CEP78: variants seen among roughly 807,000 people sequenced by gnomAD.
CEP78 encodes centrosomal protein of 78 kDa.
CEP78 carries 76 observed loss-of-function variants against 81.2 expected under a neutral mutation model. The observed-to-expected ratio is 0.94, with a 90% CI of 0.78 to 1.13. The LOEUF (loss-of-function observed/expected upper bound fraction) is 1.13. CEP78 is among the 50% of genes most tolerant of loss of function. CEP78 has a pLI of 0.00. For missense variants in CEP78, 918 were observed against 846.8 expected (o/e 1.08, Z -1.04); for synonymous variants, 293 against 301.4 (o/e 0.97, Z 0.29).
intron 11 of CEP78, among the ~76,000 whole-genome samples, chr9:78,261,839 C>T (rs1214844180): frequency 6.6e-6 from 1 of 152,048 alleles, no homozygotes; most frequent in Non-Finnish European, 1.5e-5. Context: ...ACTTGGTTGG[C>T]TTTAACTGAT....
chr9:78,266,527 C>G lies in CEP78; in HGVS notation c.1931C>G (p.Thr644Ser). The G allele has an allele frequency of 6.2e-7, 1 of 1,613,884 alleles. No homozygotes were observed. Among genetic ancestry groups the G allele is most frequent in the Non-Finnish European group, 8.5e-7 (1 of 1,179,852 alleles). ...GTTTCTACTCCAGAGGGCTTAGGAA[C>G]TTCCAGCAACAACCTAGGAGTCCCA... Reference protein sequence around the residue: ...VPVSTPEGLGTSSNNLGVPAT... With the variant: ...VPVSTPEGLGSSSNNLGVPAT... The change falls in exon 16 of 17, where the codon ACT (threonine) becomes AGT (serine). Residue 644 changes from threonine (T) to serine (S), a missense_variant. Physicochemically the swap from Thr to Ser is moderately conservative, Grantham distance 58. Coordinates refer to ENST00000643273, the MANE Select transcript of CEP78 (RefSeq NM_001330691.3).
chr9:78,266,724 T>C (rs1286635010), intron 16 of CEP78, 21 bp downstream of exon 16: 1 of 1,611,114 alleles, frequency 6.2e-7, no homozygotes, highest in African/African-American at 1.3e-5. Context: ...CAAAAAACAC[T>C]CTGATAAGCA....
chr9:78,264,017 G>C (rs2118458991), intron 12 of CEP78, 133 bp from the exon 13 acceptor site: 1 of 572,564 alleles, frequency 1.7e-6, no homozygotes, highest in African/African-American at 2.0e-5. Context: ...AATATGGTCT[G>C]TCTTTACTGG....
chr9:78,253,445 G>T, intron 10 of CEP78, 168 bp downstream of exon 10: 2 of 550,338 alleles, frequency 3.6e-6, no homozygotes, highest in Non-Finnish European at 6.6e-6. Context: ...TAGGCGTGTG[G>T]ATATGTCACA....
intron 3 of CEP78, among the ~76,000 whole-genome samples, 183 bp downstream of exon 3, chr9:78,240,547 A>G (rs1171567966): frequency 6.6e-6 from 1 of 152,188 alleles, no homozygotes; most frequent in Non-Finnish European, 1.5e-5. Context: ...AACTAACTTT[A>G]CTTAAGTTTG....
At position 78,253,269 on chromosome 9, in the gene CEP78, C is replaced by A; in HGVS notation, c.1243C>A (p.Gln415Lys). The A allele has an allele frequency of 7.4e-7, 1 of 1,357,502 alleles. No homozygotes were observed. Among genetic ancestry groups the A allele is most frequent in the Non-Finnish European group, 1.0e-6 (1 of 958,896 alleles). The allele number at this position is 1,357,502 out of a possible 1,614,324, so 84.1% of individuals were successfully genotyped here. ...PLIKTRDICN[Q>K]LQQPGFPVTV... is the part of the protein sequence containing the mutation. ...AATCAAAACACGTGATATATGTAAT[C>A]AGTTGCAGGTACGTAGTTACCATGT... Residue 415 changes from glutamine (Q) to lysine (K), a missense_variant, in exon 10 of 17, where the codon CAG becomes AAG. Transcript: ENST00000643273.
intron 11 of CEP78, among the ~76,000 whole-genome samples, chr9:78,260,932 C>T (rs976336488): frequency 6.6e-6 from 1 of 151,770 alleles, no homozygotes; most frequent in African/African-American, 2.4e-5. Context: ...TGAACTTTTG[C>T]GTTGGAGAAT....
rs758454353 is a variant in CEP78 at position 78,241,720 on chromosome 9, C to T, written c.524C>T (p.Ser175Phe). 6.3e-7 allele frequency: 1 copy of T among 1,598,384 alleles called. No homozygotes were observed. Among genetic ancestry groups the T allele is most frequent in the South Asian group, 1.1e-5 (1 of 89,822 alleles). Reference sequence around the variant, plus strand: ...GTTATTTGTCAAGGTATAAAGAGCTCTATCACTCTTAAGACAGTCAACTTC... The same window carrying T: ...GTTATTTGTCAAGGTATAAAGAGCTTTATCACTCTTAAGACAGTCAACTTC... ...LEIICQGIKS[S>F]ITLKTVNFTG... is the part of the protein sequence containing the mutation. The change falls in exon 4 of 17, where the codon TCT becomes TTT. Residue 175 changes from serine (S) to phenylalanine (F), a missense_variant. Ser to Phe is a radical substitution (Grantham distance 155). Coordinates refer to ENST00000643273, the MANE Select transcript of CEP78 (RefSeq NM_001330691.3).
chr9:78,252,808 G>A (rs1186177630), intron 9 of CEP78, among the ~76,000 whole-genome samples: 5 of 152,148 alleles, frequency 3.3e-5, no homozygotes, highest in African/African-American at 1.2e-4. Context: ...TTTCACAACT[G>A]GTAATGTGAA....
intron 3 of CEP78, among the ~76,000 whole-genome samples, 170 bp downstream of exon 3, chr9:78,240,534 C>G (rs1029439406): frequency 6.6e-6 from 1 of 152,226 alleles, no homozygotes; most frequent in Non-Finnish European, 1.5e-5. Flanking sequence ...TGAATGTAAT[C>G]TGAACTAACT....
In CEP78 at chr9:78,266,438, C is replaced by T. The variant is rs757269600; in HGVS notation, c.1846-4C>T. ...CTAAATTTTTGTTTTGTTTTTCCTT[C>T]TAGTTTCAGAAAATTACAGGTGATG... On this transcript the variant is annotated splice_polypyrimidine_tract_variant and splice_region_variant and intron_variant, in intron 15 of 16. Coordinates refer to ENST00000643273, the MANE Select transcript of CEP78 (RefSeq NM_001330691.3). The T allele has an allele frequency of 6.3e-7, 1 of 1,577,054 alleles. No homozygotes were observed.
In CEP78 at chr9:78,236,425, G is replaced by C. The variant is rs768766296; in HGVS notation, c.75G>C (p.Leu25=). The change falls in exon 1 of 17, where the codon CTG becomes CTC. Residue 25 remains leucine (L), a synonymous_variant. Transcript: ENST00000643273. ...CCCACTACGAGTACCTGTGCGCGCT[G>C]CAGAACTCGGTGCCGCTGCCCGCCG... ...FFSHYEYLCA[L]QNSVPLPAVR... 6.2e-7 allele frequency: 1 copy of C among 1,601,584 alleles called. No individual in the cohort carries two copies. The highest frequency in any genetic ancestry group is 1.1e-5 in the South Asian group (1 of 89,024).
intron 4 of CEP78, 21 bp downstream of exon 4, chr9:78,241,820 T>G: frequency 7.7e-7 from 1 of 1,305,224 alleles, no homozygotes; most frequent in Non-Finnish European, 1.1e-6. Context: ...GTTCCAACTT[T>G]CATGAAAATG....
intron 9 of CEP78, among the ~76,000 whole-genome samples, chr9:78,252,563 T>C (rs1356808319): frequency 6.6e-6 from 1 of 152,230 alleles, no homozygotes; most frequent in Admixed American, 6.5e-5. Context: ...GAAAAGTCTT[T>C]TAAAAATGTT....
chr9:78,267,071 T>G (rs1367282549), intron 16 of CEP78: 2 of 1,067,868 alleles, frequency 1.9e-6, no homozygotes, highest in Admixed American at 2.8e-5. Flanking sequence ...GTTTTTATTA[T>G]GGCATATGGT....
At chr9:78,243,322 C>T (rs1826317266) in intron 4 of CEP78, 140 bp from the exon 5 acceptor site, 1 of 574,000 alleles carries the variant, frequency 1.7e-6, no homozygotes, top group Admixed American at 3.6e-5. Context: ...ACTATTTAAT[C>T]AGTCTGTCAG....
rs1458881154 is a variant in CEP78, at chr9:78,264,224, A to G, written c.1533A>G (p.Thr511=). The G allele has an allele frequency of 3.1e-6, 5 of 1,609,314 alleles. No individual in the cohort carries two copies. The highest frequency in any genetic ancestry group is 1.6e-4 in the Middle Eastern group (1 of 6,072). The change falls in exon 13 of 17, where the codon ACA becomes ACG. Residue 511 remains threonine (T), a synonymous_variant. Coordinates refer to ENST00000643273, the MANE Select transcript of CEP78 (RefSeq NM_001330691.3). ...AAGCCCTTCATGCACAGTCATTGAC[A>G]AATATGATCCTGGATGATGAAGGTG... ...LSEALHAQSL[T]NMILDDEGVL...
At chr9:78,251,704 T>C (rs983381268) in intron 8 of CEP78, among the ~76,000 whole-genome samples, 6 of 151,116 alleles carry the variant, frequency 4.0e-5, no homozygotes, top group African/African-American at 1.5e-4. Flanking sequence ...TTATTACTTA[T>C]ATTTAAGTAT....
chr9:78,275,949 G>C lies in CEP78; in HGVS notation c.*5098G>C, dbSNP rs1827795240. The C allele has an allele frequency of 6.6e-6, 1 of 152,132 alleles. No homozygotes were observed. Among genetic ancestry groups the C allele is most frequent in the Non-Finnish European group, 1.5e-5 (1 of 68,098 alleles). The allele number at this position is 152,132 out of a possible 1,614,324, so 9.4% of individuals were successfully genotyped here. A position where few individuals can be genotyped will look rare whatever the true frequency, so the allele number is the denominator to read the frequency against. On this transcript the variant is annotated 3_prime_UTR_variant, in exon 17 of 17. Transcript: ENST00000643273. ...GGGCAAGAGTGAGACTCCGACTCAA[G>C]AAGAGAAAAAGAAAAACCTTCCAGG...
Sources: gnomAD v4.1 joint callset for allele counts (sites outside exome capture counted in the v4.1 genomes callset) on GRCh38, gnomAD v4.1.1 for gene constraint, MANE v1.5 for transcripts, NCBI Gene and HGNC (gene_info 2026-07-23, HGNC 2026-07-21) for gene names.